VPS8: variants seen among roughly 807,000 people sequenced by gnomAD.
VPS8 encodes the protein vacuolar protein sorting-associated protein 8 homolog.
Under a neutral mutation model 216.4 loss-of-function variants are expected in VPS8, and 129 were observed. The observed-to-expected ratio is 0.60, with a 90% CI of 0.52 to 0.69. The LOEUF (loss-of-function observed/expected upper bound fraction) is 0.69. Ranked by LOEUF, VPS8 falls within the 30% of genes least tolerant of loss-of-function variation. The pLI, the probability that VPS8 is intolerant of heterozygous loss-of-function variation, is 0.00. For synonymous variants in VPS8, 571 were observed against 565.4 expected, an observed-to-expected ratio of 1.01 and a Z score of -0.14; for missense variants, 1,531 against 1,683.5, an observed-to-expected ratio of 0.91 and a Z score of 1.59.
chr3:184,961,749 T>A (rs892683437), intron 37 of VPS8, among the ~76,000 whole-genome samples: 8 of 151,490 alleles, frequency 5.3e-5, no homozygotes, highest in Non-Finnish European at 1.0e-4. Flanking sequence ...AATTTTTTTG[T>A]TTTTGTTTTT....
At chr3:184,816,459 A>G (rs539037797) in intron 1 of VPS8, among the ~76,000 whole-genome samples, 8 of 152,196 alleles carry the variant, frequency 5.3e-5, no homozygotes, top group Non-Finnish European at 8.8e-5. Flanking sequence ...ACATTCACCA[A>G]CAACAGAAAG....
At chr3:185,012,820 C>A (rs1217425518) in intron 45 of VPS8, among the ~76,000 whole-genome samples, 1 of 152,142 alleles carries the variant, frequency 6.6e-6, no homozygotes, top group East Asian at 1.9e-4. Context: ...GACACACACA[C>A]AGAAATATAG....
At chr3:184,924,799 AT>A (rs11391596) in intron 29 of VPS8, 62 bp from the exon 30 acceptor site, 8,960 of 1,227,166 alleles carry the variant, frequency 7.3e-3, no homozygotes, top group South Asian at 0.016. Flanking sequence ...TTCTAATTGT[AT>A]TTTTTTTTTT....
chr3:184,919,119 C>T (rs1395220830), intron 28 of VPS8: 1 of 152,152 alleles, frequency 6.6e-6, no homozygotes, highest in Non-Finnish European at 1.5e-5. Flanking sequence ...AGCAAAGGTA[C>T]TTTGGAGAAA....
At chr3:184,986,913 A>G (rs1751179321) in intron 42 of VPS8, among the ~76,000 whole-genome samples, 1 of 152,194 alleles carries the variant, frequency 6.6e-6, no homozygotes. Flanking sequence ...ACAATTGGTG[A>G]ATTAATATTG....
chr3:184,819,025 T>C (rs540996441), intron 1 of VPS8, among the ~76,000 whole-genome samples: 3 of 152,302 alleles, frequency 2.0e-5, no homozygotes, highest in African/African-American at 7.2e-5. Flanking sequence ...GGTGCAAGTT[T>C]AACTTGGCGT....
At chr3:184,898,698 T>A in intron 24 of VPS8, 44 bp downstream of exon 24, 1 of 1,446,680 alleles carries the variant, frequency 6.9e-7, no homozygotes, top group East Asian at 2.5e-5. Context: ...TTTTGTCTAC[T>A]AACTTTTTTC....
Position 184,964,571 on chromosome 3 carries a change from A to G in VPS8, c.3273+14A>G. 7.0e-7 allele frequency: 1 copy of G among 1,426,610 alleles called. No individual in the cohort carries two copies. The allele number at this position is 1,426,610 out of a possible 1,614,324, so 88.4% of individuals were successfully genotyped here. On this transcript the variant is annotated intron_variant, in intron 38 of 47. Coordinates refer to ENST00000625842, the MANE Select transcript of VPS8 (RefSeq NM_001009921.3). ...ATAATGTTAGAGGTAACACTTTACT[A>G]TGTTTCTTTCATCATATTTCTGTCT...
chr3:184,908,006 C>T (rs1578186728), intron 25 of VPS8, among the ~76,000 whole-genome samples: 2 of 152,282 alleles, frequency 1.3e-5, no homozygotes, highest in Middle Eastern at 3.4e-3. Context: ...TCAAAAGCCC[C>T]GCAGATCTCC....
chr3:184,878,986 C>G lies in VPS8; in HGVS notation c.1735-7124C>G, dbSNP rs79211490. ...TAATTTTGAATCATTTTCACACAGT[C>G]AAGTTTTCCTTATCTGATAGTCTTT... On this transcript the variant is annotated intron_variant, in intron 21 of 47. Transcript: ENST00000625842. Among the ~76,000 whole-genome samples, 945 of 152,242 alleles carry G rather than the reference C, an allele frequency of 6.2e-3. 5 individuals carry two copies. The highest frequency in any genetic ancestry group is 0.022 in the South Asian group (108 of 4,826).
At chr3:184,860,353 A>T (rs1726062685) in intron 15 of VPS8, among the ~76,000 whole-genome samples, 1 of 151,752 alleles carries the variant, frequency 6.6e-6, no homozygotes, top group African/African-American at 2.4e-5. Flanking sequence ...TCTTAAAAAA[A>T]AAAAAGTATA....
intron 45 of VPS8, among the ~76,000 whole-genome samples, chr3:185,012,386 A>G (rs1345963788): frequency 6.7e-6 from 1 of 148,328 alleles, no homozygotes; most frequent in Admixed American, 6.7e-5. Flanking sequence ...AATATACAAC[A>G]TATATAGAAT....
chr3:184,851,190 A>G (rs191084606), intron 10 of VPS8, among the ~76,000 whole-genome samples: 5 of 152,354 alleles, frequency 3.3e-5, no homozygotes, highest in Non-Finnish European at 4.4e-5. Context: ...ACTGGGAGAA[A>G]GAATAAGAAA....
At chr3:184,850,874 T>C (rs1724127532) in intron 10 of VPS8, among the ~76,000 whole-genome samples, 1 of 152,238 alleles carries the variant, frequency 6.6e-6, no homozygotes, top group Non-Finnish European at 1.5e-5. Context: ...CAGAGCAGCG[T>C]TGAAGCATTT....
At chr3:184,913,304 A>G (rs185773905) in intron 25 of VPS8, among the ~76,000 whole-genome samples, 6 of 152,292 alleles carry the variant, frequency 3.9e-5, no homozygotes, top group Non-Finnish European at 7.4e-5. Flanking sequence ...TTCCTTCTAC[A>G]TCTATCTTAG....
At chr3:184,843,542 C>G (rs1448560494) in intron 8 of VPS8, among the ~76,000 whole-genome samples, 1 of 152,046 alleles carries the variant, frequency 6.6e-6, no homozygotes, top group Non-Finnish European at 1.5e-5. Context: ...CACTTGGGTT[C>G]TGAAGTATCT....
rs541353276 is a variant in VPS8, at chr3:184,914,142, G to A, written c.2189+581G>A. 3.3e-5 allele frequency among the ~76,000 whole-genome samples: 5 copies of A among 152,310 alleles called. 1 individual carries two copies. In the South Asian group the frequency reaches 1.0e-3, roughly 32 times the overall value. ...TAGATGACTATTTGTCAGGAAGGTG[G>A]CAGAACCTAGCAGAACATCATTTGA... On this transcript the variant is annotated intron_variant, in intron 26 of 47. Transcript: ENST00000625842.
At chr3:184,930,807 T>C (rs773152613) in intron 34 of VPS8, among the ~76,000 whole-genome samples, 26 of 152,356 alleles carry the variant, frequency 1.7e-4, no homozygotes, top group South Asian at 1.5e-3. Context: ...CAAACTATTA[T>C]TAATGCATTT....
At chr3:184,853,286 G>A (rs980952911) in intron 11 of VPS8, among the ~76,000 whole-genome samples, 1 of 152,174 alleles carries the variant, frequency 6.6e-6, no homozygotes, top group Admixed American at 6.5e-5. Flanking sequence ...AAACCAGCAC[G>A]TAAATGAAAT....
Sources: allele counts gnomAD v4.1 joint callset (sites outside exome capture counted in the v4.1 genomes callset), GRCh38; gene constraint gnomAD v4.1.1; transcripts MANE v1.5; gene names NCBI Gene and HGNC (gene_info 2026-07-23, HGNC 2026-07-21).